The following ZNF83 variants were observed in gnomAD, a reference collection of about 807,000 sequenced individuals.
The protein encoded by ZNF83 is zinc finger protein 83, also known as zinc finger protein 816B.
For missense variants in ZNF83, 552 were observed against 629.9 expected (o/e 0.88, Z 1.32); for synonymous variants, 209 against 213.0 (o/e 0.98, Z 0.17).
At chr19:52,687,163 A>T (rs564631715) in intron 1 of ZNF83, among the ~76,000 whole-genome samples, 2 of 149,024 alleles carry the variant, frequency 1.3e-5, no homozygotes, top group East Asian at 4.0e-4. Flanking sequence ...CCTGAGCAAC[A>T]AGAGTAAAAC....
At chr19:52,681,796 C>G (rs1246371435) in intron 1 of ZNF83, among the ~76,000 whole-genome samples, 1 of 152,202 alleles carries the variant, frequency 6.6e-6, no homozygotes, top group Admixed American at 6.5e-5. Context: ...GAGCATCCTA[C>G]AAGGTCATTG....
chr19:52,686,391 T>C (rs1312448443), intron 1 of ZNF83, among the ~76,000 whole-genome samples: 1 of 150,922 alleles, frequency 6.6e-6, no homozygotes, highest in African/African-American at 2.4e-5. Context: ...CTTTCAGAAG[T>C]GATTAAGTAT....
chr19:52,687,603 ATATATATAAT>A (rs2062059756), intron 1 of ZNF83, among the ~76,000 whole-genome samples: 1 of 38,778 alleles, frequency 2.6e-5, no homozygotes, highest in African/African-American at 3.1e-4. Context: ...TATAATGTAT[ATATATATAAT>A]GTGTATATAT....
intron 3 of ZNF83, among the ~76,000 whole-genome samples, chr19:52,654,660 T>A (rs1600233023): frequency 1.3e-5 from 2 of 152,066 alleles, no homozygotes; most frequent in South Asian, 4.2e-4. Context: ...GAGATTGCAG[T>A]GAACAGAGAT....
At chr19:52,689,839 G>C (rs1420817601) in intron 1 of ZNF83, among the ~76,000 whole-genome samples, 2 of 152,208 alleles carry the variant, frequency 1.3e-5, no homozygotes, top group Admixed American at 1.3e-4. Flanking sequence ...TATTTTCCAG[G>C]GGCTGGAACT....
chr19:52,650,261 C>CTT (rs1015695493), intron 3 of ZNF83, among the ~76,000 whole-genome samples: 376 of 39,632 alleles, frequency 9.5e-3, no homozygotes, highest in East Asian at 0.03. Flanking sequence ...ACTTTTCTTT[C>CTT]TTTTTTTTTT....
At chr19:52,618,706 G>GT in intron 2 of ZNF83, 1 of 817,640 alleles carries the variant, frequency 1.2e-6, no homozygotes, top group Non-Finnish European at 1.8e-6. Context: ...CAGCCATAAG[G>GT]TTTTAAGCCT....
chr19:52,621,372 A>G (rs559571993), intron 2 of ZNF83, among the ~76,000 whole-genome samples: 1 of 152,314 alleles, frequency 6.6e-6, no homozygotes, highest in Non-Finnish European at 1.5e-5. Context: ...CTTTTCTGGT[A>G]GAGACAGAGG....
At chr19:52,640,394 G>A (rs1258795575), upstream of ZNF83, among the ~76,000 whole-genome samples, 1 of 152,156 alleles carries the variant, frequency 6.6e-6, no homozygotes, top group Admixed American at 6.5e-5. Context: ...CCAGTGCATA[G>A]GTTGCAGCAA....
intron 2 of ZNF83, among the ~76,000 whole-genome samples, chr19:52,619,340 A>T (rs1404323172): frequency 6.6e-6 from 1 of 152,154 alleles, no homozygotes; most frequent in Non-Finnish European, 1.5e-5. Context: ...AATGTTAGAA[A>T]CTTTTGGCCA....
chr19:52,632,078 T>C (rs971648183), intron 2 of ZNF83, among the ~76,000 whole-genome samples: 8 of 152,324 alleles, frequency 5.3e-5, no homozygotes, highest in Middle Eastern at 6.8e-3. Flanking sequence ...GGTAGAGGCC[T>C]TTCCTACAGG....
chr19:52,630,277 A>C (rs1048831220), intron 2 of ZNF83, among the ~76,000 whole-genome samples: 10 of 152,190 alleles, frequency 6.6e-5, no homozygotes, highest in Non-Finnish European at 1.3e-4. Context: ...TCGGAAGCCT[A>C]CAGGACCATC....
chr19:52,623,706 C>T (rs527506946), intron 2 of ZNF83, among the ~76,000 whole-genome samples: 1 of 152,154 alleles, frequency 6.6e-6, no homozygotes, highest in African/African-American at 2.4e-5. Flanking sequence ...TCACCCTTAC[C>T]CTGCTCAACA....
At chr19:52,614,759 T>A (rs1318450521) in exon 3 of ZNF83, 3 of 1,292,404 alleles carry the variant, frequency 2.3e-6, no homozygotes, top group Non-Finnish European at 3.0e-6. Context: ...CTCTCCTTTT[T>A]TGGTGGTAAT....
chr19:52,641,665 G>A (rs910777176), upstream of ZNF83, among the ~76,000 whole-genome samples: 1 of 152,074 alleles, frequency 6.6e-6, no homozygotes, highest in Non-Finnish European at 1.5e-5. Context: ...TTTTGGAACT[G>A]ATTTTGTGCT....
chr19:52,613,998 A>C, exon 3 of ZNF83: 1 of 1,612,612 alleles, frequency 6.2e-7, no homozygotes, highest in Non-Finnish European at 8.5e-7. Context: ...CAAGGTGTGA[A>C]ATTTGATTAA....
chr19:52,614,917 TC>T, intron 2 of ZNF83, 120 bp from the exon 3 acceptor site: 5 of 982,086 alleles, frequency 5.1e-6, no homozygotes, highest in Non-Finnish European at 6.6e-6. Context: ...GTTATAAAAC[TC>T]CCATTCATGA....
At chr19:52,683,452 T>C (rs12983016) in intron 1 of ZNF83, among the ~76,000 whole-genome samples, 9,190 of 147,828 alleles carry the variant, frequency 0.062, 366 homozygotes, top group Non-Finnish European at 0.089. Context: ...ACAGAACTAG[T>C]TGTGTAGGAG....
At chr19:52,682,083 T>G (rs1422264882) in intron 1 of ZNF83, among the ~76,000 whole-genome samples, 1 of 152,092 alleles carries the variant, frequency 6.6e-6, no homozygotes, top group African/African-American at 2.4e-5. Context: ...CCCGACCTCA[T>G]GATTCACCCT....
Sources: gnomAD v4.1 joint callset for allele counts (sites outside exome capture counted in the v4.1 genomes callset) on GRCh38, gnomAD v4.1.1 for gene constraint, MANE v1.5 for transcripts, NCBI Gene and HGNC (gene_info 2026-07-23, HGNC 2026-07-21) for gene names.